ADAM12: variants seen among roughly 807,000 people sequenced by gnomAD.
The protein encoded by ADAM12 is ADAM metallopeptidase domain 12, also known as disintegrin and metalloproteinase domain-containing protein 12.
Under a neutral mutation model 106.4 loss-of-function variants are expected in ADAM12, and 70 were observed. The ratio of observed to expected loss-of-function variants is 0.66; its 90% confidence interval spans 0.54 to 0.80. The LOEUF is 0.80. ADAM12 is among the 30% of genes least tolerant of loss of function. ADAM12 has a pLI of 0.00. For missense variants in ADAM12, 1,010 were observed against 1,171.9 expected (o/e 0.86, Z 2.02); for synonymous variants, 420 against 433.5 (o/e 0.97, Z 0.39).
intron 3 of ADAM12, among the ~76,000 whole-genome samples, chr10:126,160,528 C>T (rs1400739706): frequency 2.0e-5 from 3 of 152,140 alleles, no homozygotes; most frequent in Admixed American, 2.0e-4. Flanking sequence ...ATCGGAACTC[C>T]TTCCCAGCTC....
intron 17 of ADAM12, among the ~76,000 whole-genome samples, chr10:126,044,959 G>A (rs552792114): frequency 1.3e-5 from 2 of 152,254 alleles, no homozygotes; most frequent in African/African-American, 2.4e-5. Context: ...AGGTGCTGCC[G>A]GGAGCCTGCC....
Position 126,271,436 on chromosome 10 carries a change from C to T in ADAM12, c.260+7479G>A, listed in dbSNP as rs192404672. On this transcript the variant is annotated intron_variant, in intron 3 of 22. Coordinates refer to ENST00000448723, the MANE Select transcript of ADAM12 (RefSeq NM_001288973.2). ...CAATATGCAGTCCCTTGACCACACC[C>T]GCTCTACCCTCCCAGCTAGTCTTCA... 1.2e-4 allele frequency among the ~76,000 whole-genome samples: 18 copies of T among 152,308 alleles called. No homozygotes were observed. The East Asian group carries it at 2.9e-3, about 25-fold the overall frequency.
chr10:126,351,976 T>G (rs1366941332), intron 1 of ADAM12, among the ~76,000 whole-genome samples: 1 of 152,120 alleles, frequency 6.6e-6, no homozygotes. Context: ...CTCACTGAGT[T>G]GTTCAGGGAC....
intron 5 of ADAM12, among the ~76,000 whole-genome samples, chr10:126,126,660 G>A (rs1388087705): frequency 2.0e-5 from 3 of 152,090 alleles, no homozygotes; most frequent in African/African-American, 7.2e-5. Context: ...CTTCTAGAAT[G>A]TGCAACATGG....
In ADAM12 at chr10:126,053,983, AG is replaced by A. The variant is rs1954570226; in HGVS notation, c.1610-4315del. On this transcript the variant is annotated intron_variant, in intron 14 of 22. Transcript: ENST00000448723. The surrounding 1 kb of genome is among the most constrained non-coding windows in gnomAD (Gnocchi z 4.6). ...CAGCCTCCCAAAATGCTGGGATTAC[AG>A]GCGTGAGCCACCGTACCTGGCCTGG... is the stretch of plus-strand genomic sequence containing the variant. Among the ~76,000 whole-genome samples, 1 of 152,182 alleles carries A rather than the reference AG, an allele frequency of 6.6e-6. No homozygotes were observed. The highest frequency in any genetic ancestry group is 1.5e-5 in the Non-Finnish European group (1 of 68,030).
chr10:126,298,384 G>T (rs926796886), intron 2 of ADAM12, among the ~76,000 whole-genome samples: 7 of 152,264 alleles, frequency 4.6e-5, no homozygotes, highest in African/African-American at 1.7e-4. Context: ...CTAAAAACTG[G>T]AAAATACAAC....
rs890573429 is a variant in ADAM12, at chr10:126,215,331, T to G, written c.261-60026A>C. 3.9e-5 allele frequency among the ~76,000 whole-genome samples: 6 copies of G among 152,286 alleles called. No individual in the cohort carries two copies. The South Asian group carries it at 1.0e-3, about 26-fold the overall frequency. On this transcript the variant is annotated intron_variant, in intron 3 of 22. Transcript: ENST00000448723. ...GCACAGGGACAATCCCATGGTGCCT[T>G]CCTCTTTCCTGTGGCCTCTCCCTGG...
chr10:126,151,084 A>T (rs115471834), intron 4 of ADAM12, among the ~76,000 whole-genome samples: 2 of 152,194 alleles, frequency 1.3e-5, no homozygotes, highest in African/African-American at 2.4e-5. Context: ...ATGCTGAGGA[A>T]TATATTTTAG....
At chr10:126,270,646 G>C (rs558925759) in intron 3 of ADAM12, among the ~76,000 whole-genome samples, 1 of 152,240 alleles carries the variant, frequency 6.6e-6, no homozygotes, top group South Asian at 2.1e-4. Flanking sequence ...TGGGGATTCT[G>C]GTTAAATAGC....
intron 4 of ADAM12, among the ~76,000 whole-genome samples, chr10:126,152,512 ATTTTTGCCTTAAGGT>A (rs1420484034): frequency 2.7e-5 from 4 of 150,766 alleles, no homozygotes; most frequent in Non-Finnish European, 5.9e-5. Flanking sequence ...TATTAATGTC[ATTTTTGCCTTAAGGT>A]CTAGCTTCTC....
chr10:126,326,274 G>T (rs1003481703), intron 2 of ADAM12, among the ~76,000 whole-genome samples: 4 of 151,928 alleles, frequency 2.6e-5, no homozygotes, highest in African/African-American at 9.7e-5. Context: ...AACAACTGGA[G>T]GTTGAACACT....
intron 2 of ADAM12, among the ~76,000 whole-genome samples, chr10:126,312,603 G>C (rs952674898): frequency 6.6e-6 from 1 of 152,150 alleles, no homozygotes; most frequent in Non-Finnish European, 1.5e-5. Context: ...CTTTAAGGAG[G>C]AGGAGAACAT....
At chr10:126,108,825 G>A (rs562122623) in intron 7 of ADAM12, among the ~76,000 whole-genome samples, 161 bp from the exon 8 acceptor site, 35 of 152,228 alleles carry the variant, frequency 2.3e-4, no homozygotes, top group Non-Finnish European at 4.0e-4. Flanking sequence ...TAACTTTCCC[G>A]GCTGGGGACT....
intron 14 of ADAM12, among the ~76,000 whole-genome samples, chr10:126,051,587 ATCCAGCCAGCCAGCCACCTG>A (rs1189921806): frequency 1.0e-4 from 15 of 147,894 alleles, no homozygotes; most frequent in Non-Finnish European, 2.2e-4. Context: ...CCATCCATCC[ATCCAGCCAGCCAGCCACCTG>A]TCCATCCATC....
At chr10:126,291,346 A>G (rs1960139209) in intron 2 of ADAM12, among the ~76,000 whole-genome samples, 1 of 152,260 alleles carries the variant, frequency 6.6e-6, no homozygotes, top group Non-Finnish European at 1.5e-5. Flanking sequence ...CCCTTTAAAG[A>G]GTAATCCTGC....
intron 14 of ADAM12, among the ~76,000 whole-genome samples, chr10:126,062,284 A>G (rs1453477842): frequency 1.3e-5 from 2 of 152,158 alleles, no homozygotes; most frequent in Non-Finnish European, 2.9e-5. Context: ...GTGGCCACAC[A>G]CGACACCACC....
At position 126,142,802 on chromosome 10, in the gene ADAM12, G is replaced by A. The variant is rs373062601; in HGVS notation, c.340-7142C>T. The stretch of plus-strand genomic sequence containing the variant: ...AACTCAGAGAAAAGCCCATAAATAG[G>A]AGGGGTCCAAAGGTGGGTGAGCGTA... On this transcript the variant is annotated intron_variant, in intron 4 of 22. Transcript: ENST00000448723. 3.9e-5 allele frequency among the ~76,000 whole-genome samples: 6 copies of A among 152,284 alleles called. No homozygotes were observed. In the East Asian group the frequency reaches 1.2e-3, roughly 29 times the overall value.
At chr10:126,335,000 G>A (rs536026428) in intron 1 of ADAM12, among the ~76,000 whole-genome samples, 1 of 152,314 alleles carries the variant, frequency 6.6e-6, no homozygotes, top group South Asian at 2.1e-4. Flanking sequence ...TTCTCATGAG[G>A]TTAAGGGAGC....
chr10:126,112,338 T>A (rs1358566026), intron 6 of ADAM12, among the ~76,000 whole-genome samples: 1 of 151,686 alleles, frequency 6.6e-6, no homozygotes, highest in Non-Finnish European at 1.5e-5. Context: ...GTATCCTGTT[T>A]TTTTTTTTTT....
Sources: allele counts gnomAD v4.1 joint callset (sites outside exome capture counted in the v4.1 genomes callset), GRCh38; gene constraint gnomAD v4.1.1; non-coding constraint Gnocchi (gnomAD v3.1); transcripts MANE v1.5; gene names NCBI Gene and HGNC (gene_info 2026-07-23, HGNC 2026-07-21).